TENT2: variants seen among roughly 807,000 people sequenced by gnomAD.
TENT2 encodes terminal nucleotidyltransferase 2, also known as poly(A) RNA polymerase GLD2.
Under a neutral mutation model 72.2 loss-of-function variants are expected in TENT2, and 44 were observed. That is an observed-to-expected ratio of 0.61 (90% confidence interval 0.48 to 0.78). The LOEUF (loss-of-function observed/expected upper bound fraction) is 0.78. TENT2 is among the 30% of genes least tolerant of loss of function. TENT2 has a pLI of 0.00. For missense variants in TENT2, 541 were observed against 569.6 expected (o/e 0.95, Z 0.51); for synonymous variants, 212 against 192.5 (o/e 1.10, Z -0.84).
intron 13 of TENT2, among the ~76,000 whole-genome samples, chr5:79,680,658 G>C (rs893992716): frequency 6.6e-6 from 1 of 151,966 alleles, no homozygotes; most frequent in African/African-American, 2.4e-5. Flanking sequence ...CTTTCCCCTC[G>C]GTTACCTTTC....
rs755009936 is a variant in TENT2, at chr5:79,648,601, A to AT, written c.822-10dup. 3 of 1,483,890 alleles carry AT rather than the reference A, an allele frequency of 2.0e-6. No homozygotes were observed. Among genetic ancestry groups the AT allele is most frequent in the Non-Finnish European group, 2.7e-6 (3 of 1,094,584 alleles). 91.9% of individuals were successfully genotyped at this position (1,483,890 alleles called of 1,614,324 possible). A position where few individuals can be genotyped will look rare whatever the true frequency, so the allele number is the denominator to read the frequency against. Reference sequence around the variant, plus strand: ...TCAGCTAAAGTTTATTTATTTATTTATTTTTTCTTAAATAGTTGTGTGGAG... The same window carrying AT: ...TCAGCTAAAGTTTATTTATTTATTTATTTTTTTCTTAAATAGTTGTGTGGAG... On this transcript the variant is annotated splice_polypyrimidine_tract_variant and intron_variant, in intron 8 of 14. Coordinates refer to ENST00000453514, the MANE Select transcript of TENT2 (RefSeq NM_001114394.3).
At chr5:79,661,646 T>G (rs943815613) in intron 11 of TENT2, among the ~76,000 whole-genome samples, 2 of 152,238 alleles carry the variant, frequency 1.3e-5, no homozygotes, top group African/African-American at 4.8e-5. Context: ...TTAAAAATGC[T>G]TTATTGCTAC....
In TENT2 at chr5:79,657,082, A is replaced by T. The variant is rs559316689; in HGVS notation, c.1071+81A>T. On this transcript the variant is annotated intron_variant, in intron 11 of 14. Coordinates refer to ENST00000453514, the MANE Select transcript of TENT2 (RefSeq NM_001114394.3). Reference sequence around the variant, plus strand: ...TATTATAAGTAGTATTAATGTGATTATAAAAGTAGTAAGGCTAAGTACATG... The same window carrying T: ...TATTATAAGTAGTATTAATGTGATTTTAAAAGTAGTAAGGCTAAGTACATG... 4.1e-6 allele frequency: 4 copies of T among 978,344 alleles called. No individual in the cohort carries two copies. In the East Asian group the frequency reaches 1.1e-4, roughly 27 times the overall value. 60.6% of individuals were successfully genotyped at this position (978,344 alleles called of 1,614,324 possible).
At position 79,640,965 on chromosome 5, in the gene TENT2, C is replaced by G; in HGVS notation, c.580C>G (p.Gln194Glu). Reference sequence around the variant, plus strand: ...GAGAGAAATTCAGCTGTTATTTCCACGTATGTTTCCCTATTTTGCATGTCC... The same window carrying G: ...GAGAGAAATTCAGCTGTTATTTCCAGGTATGTTTCCCTATTTTGCATGTCC... Reference protein sequence around the residue: ...LQREIQLLFPQSRLFLVGSSL... With the variant: ...LQREIQLLFPESRLFLVGSSL... The change falls in exon 5 of 15, where the codon CAA becomes GAA. Residue 194 changes from glutamine (Q) to glutamate (E), a missense_variant and splice_region_variant. Gln to Glu is a conservative substitution (Grantham distance 29, BLOSUM62 2). Coordinates refer to ENST00000453514, the MANE Select transcript of TENT2 (RefSeq NM_001114394.3). The G allele has an allele frequency of 3.8e-6, 6 of 1,594,828 alleles. No individual in the cohort carries two copies. Among genetic ancestry groups the G allele is most frequent in the Non-Finnish European group, 5.1e-6 (6 of 1,171,924 alleles).
intron 1 of TENT2, among the ~76,000 whole-genome samples, chr5:79,615,646 A>G (rs1324400577): frequency 1.3e-5 from 2 of 152,134 alleles, no homozygotes; most frequent in African/African-American, 4.8e-5. Flanking sequence ...TGTGAGCCTG[A>G]GCAAAGGGTG....
intron 12 of TENT2, among the ~76,000 whole-genome samples, chr5:79,676,163 TACACACACACAC>T (rs59618310): frequency 1.4e-5 from 2 of 147,368 alleles, no homozygotes; most frequent in South Asian, 2.2e-4. Flanking sequence ...TATATATGTA[TACACACACACAC>T]ACACACACAC....
At chr5:79,643,029 C>A in intron 7 of TENT2, 119 bp downstream of exon 7, 5 of 1,222,992 alleles carry the variant, frequency 4.1e-6, no homozygotes, top group Non-Finnish European at 5.2e-6. Context: ...AATATGAATT[C>A]TTTTTTCCAA....
chr5:79,634,160 A>G (rs1307341006), intron 4 of TENT2, among the ~76,000 whole-genome samples: 2 of 151,298 alleles, frequency 1.3e-5, no homozygotes, highest in Non-Finnish European at 3.0e-5. Context: ...GTCTCAAAAA[A>G]AAAAAAAAAA....
Position 79,686,093 on chromosome 5 carries a change from C to T in TENT2, c.*820C>T, listed in dbSNP as rs1224573965. The T allele has an allele frequency of 6.6e-6, 1 of 152,486 alleles. No individual in the cohort carries two copies. Among genetic ancestry groups the T allele is most frequent in the African/African-American group, 2.4e-5 (1 of 41,408 alleles). 9.4% of individuals were successfully genotyped at this position (152,486 alleles called of 1,614,324 possible). ...ACTTGCCATTTTCCTGCTCTGTTTT[C>T]TCTGTGACATGAAGCAACAGAAACT... On this transcript the variant is annotated 3_prime_UTR_variant, in exon 15 of 15. Transcript: ENST00000453514.
rs1185207716 is a variant in TENT2 at position 79,685,449 on chromosome 5, C to T, written c.*176C>T. The T allele has an allele frequency of 2.3e-6, 1 of 433,106 alleles. No individual in the cohort carries two copies. Among genetic ancestry groups the T allele is most frequent in the Non-Finnish European group, 4.0e-6 (1 of 250,892 alleles). 26.8% of individuals were successfully genotyped at this position (433,106 alleles called of 1,614,324 possible). On this transcript the variant is annotated 3_prime_UTR_variant, in exon 15 of 15. Transcript: ENST00000453514. ...TATTATGACATTTCCTAATAAACCC[C>T]TTTGATTTAAAAATGTATTTTTAAA... is the stretch of plus-strand genomic sequence containing the variant.
In TENT2 at chr5:79,685,231, G is replaced by T; in HGVS notation, c.1413G>T (p.Leu471Phe). The stretch of plus-strand genomic sequence containing the variant: ...ACAGATTGAAAAACAAGAGAGATTT[G>T]AACAGTATACTACCTGTAAGAGCTG... ...SWHRLKNKRD[L>F]NSILPVRAAV... Residue 471 changes from leucine (L) to phenylalanine (F), a missense_variant, in exon 15 of 15, where the codon TTG (leucine) becomes TTT (phenylalanine). Transcript: ENST00000453514. 1 of 1,607,044 alleles carries T rather than the reference G, an allele frequency of 6.2e-7. No individual in the cohort carries two copies. The highest frequency in any genetic ancestry group is 1.1e-5 in the South Asian group (1 of 88,920).
At chr5:79,638,318 C>A (rs61359915) in intron 4 of TENT2, among the ~76,000 whole-genome samples, 3,720 of 152,154 alleles carry the variant, frequency 0.024, 150 homozygotes, top group African/African-American at 0.085. Flanking sequence ...CCTGCCCTGC[C>A]TGGTCCTGTT....
At chr5:79,682,140 G>T in intron 14 of TENT2, 79 bp downstream of exon 14, 1 of 908,914 alleles carries the variant, frequency 1.1e-6, no homozygotes. Flanking sequence ...GTGTGTAGTA[G>T]GACAGAATGG....
Position 79,674,337 on chromosome 5 carries a change from G to A in TENT2, c.1209-5242G>A, listed in dbSNP as rs375038840. On this transcript the variant is annotated intron_variant, in intron 12 of 14. Transcript: ENST00000453514. The stretch of plus-strand genomic sequence containing the variant: ...TTGGAGGTTGCAGTGAGCCGAGATC[G>A]CGCCACCGCACTCCAGCCCTGGGCA... Among the ~76,000 whole-genome samples the A allele has an allele frequency of 6.7e-4, 102 of 152,298 alleles. No individual in the cohort carries two copies. In the South Asian group the frequency reaches 9.3e-3, roughly 14 times the overall value.
chr5:79,642,889 A>G lies in TENT2; in HGVS notation c.730A>G (p.Lys244Glu), dbSNP rs1414141596. ...EARHILTLVHKHFCTRLSGYI... is the reference protein window; with the variant it reads ...EARHILTLVHEHFCTRLSGYI... ...ACGGCATATACTCACCTTAGTCCAT[A>G]AACACTTCTGTACTAGACTTTGTAA... is the stretch of plus-strand genomic sequence containing the variant. The change falls in exon 7 of 15, where the codon AAA (lysine) becomes GAA (glutamate). Residue 244 changes from lysine to glutamate, a missense_variant. Lys to Glu is a moderately conservative substitution (Grantham distance 56). Transcript: ENST00000453514. 1.2e-6 allele frequency: 2 copies of G among 1,612,070 alleles called. No individual in the cohort carries two copies. Among genetic ancestry groups the G allele is most frequent in the African/African-American group, 1.3e-5 (1 of 74,990 alleles).
chr5:79,676,447 T>C (rs1215056145), intron 12 of TENT2, among the ~76,000 whole-genome samples: 1 of 151,918 alleles, frequency 6.6e-6, no homozygotes, highest in Admixed American at 6.6e-5. Flanking sequence ...TAGCCAGGCA[T>C]GGTGGTGGGC....
chr5:79,626,052 C>T (rs1186358462), intron 4 of TENT2, among the ~76,000 whole-genome samples: 1 of 151,920 alleles, frequency 6.6e-6, no homozygotes, highest in Non-Finnish European at 1.5e-5. Context: ...TGGTCTTGAA[C>T]TCCTGACCTC....
chr5:79,660,016 C>G (rs75794428), intron 11 of TENT2, among the ~76,000 whole-genome samples: 3,333 of 152,080 alleles, frequency 0.022, 121 homozygotes, highest in African/African-American at 0.077. Flanking sequence ...TCTAGCTTCT[C>G]TAATACAAAA....
intron 12 of TENT2, among the ~76,000 whole-genome samples, chr5:79,670,583 A>G (rs1812259777): frequency 6.6e-6 from 1 of 151,908 alleles, no homozygotes; most frequent in East Asian, 1.9e-4. Context: ...TCAGCCTCCC[A>G]AAGTGCTGGG....
Sources: gnomAD v4.1 joint callset for allele counts (sites outside exome capture counted in the v4.1 genomes callset) on GRCh38, gnomAD v4.1.1 for gene constraint, MANE v1.5 for transcripts, NCBI Gene and HGNC (gene_info 2026-07-23, HGNC 2026-07-21) for gene names.